Variants in SNTB1 observed in about 807,000 individuals in gnomAD.
SNTB1 encodes the protein beta-1-syntrophin.
Under a neutral mutation model 48.9 loss-of-function variants are expected in SNTB1, and 36 were observed. The ratio of observed to expected loss-of-function variants is 0.74; its 90% confidence interval spans 0.56 to 0.97. SNTB1 has a LOEUF of 0.97. Ranked by LOEUF, SNTB1 falls within the 50% of genes least tolerant of loss-of-function variation. SNTB1 has a pLI of 0.00. For missense variants in SNTB1, 786 were observed against 703.4 expected (o/e 1.12, Z -1.33); for synonymous variants, 299 against 294.6 (o/e 1.01, Z -0.15).
In SNTB1 at chr8:120,681,114, G is replaced by A. The variant is rs114866107; in HGVS notation, c.788+12578C>T. On this transcript the variant is annotated intron_variant, in intron 2 of 6. Coordinates refer to ENST00000517992, the MANE Select transcript of SNTB1 (RefSeq NM_021021.4). ...AGGATGAATGCTGAAGTTTATCTAG[G>A]AAGAAAACAAATTTTCTTAAAAATA... is the stretch of plus-strand genomic sequence containing the variant. Among the ~76,000 whole-genome samples, 1,120 of 152,186 alleles carry A rather than the reference G, an allele frequency of 7.4e-3. 17 individuals are homozygous for A. The highest frequency in any genetic ancestry group is 0.026 in the African/African-American group (1,080 of 41,516).
chr8:120,799,082 C>T (rs939255721), intron 1 of SNTB1, among the ~76,000 whole-genome samples: 1 of 151,888 alleles, frequency 6.6e-6, no homozygotes, highest in Non-Finnish European at 1.5e-5. Flanking sequence ...TCCATTTTAC[C>T]GGCTTTCTCA....
At chr8:120,695,794 C>A (rs761428297) in intron 1 of SNTB1, among the ~76,000 whole-genome samples, 31 of 152,108 alleles carry the variant, frequency 2.0e-4, no homozygotes, top group Non-Finnish European at 3.2e-4. Flanking sequence ...TTAACACCAA[C>A]ACATATTTTC....
chr8:120,772,778 G>T (rs1157441478), intron 1 of SNTB1, among the ~76,000 whole-genome samples: 1 of 152,122 alleles, frequency 6.6e-6, no homozygotes, highest in Non-Finnish European at 1.5e-5. Flanking sequence ...AGTTCCTCTA[G>T]TCTAAAACAG....
chr8:120,804,280 A>G (rs1302774452), intron 1 of SNTB1, among the ~76,000 whole-genome samples: 1 of 147,076 alleles, frequency 6.8e-6, no homozygotes, highest in Non-Finnish European at 1.5e-5. Flanking sequence ...CCATTCATCC[A>G]CCCTTTAGCA....
In SNTB1 at chr8:120,646,468, T is replaced by C. The variant is rs567202024; in HGVS notation, c.789-13817A>G. 3.5e-4 allele frequency among the ~76,000 whole-genome samples: 52 copies of C among 149,942 alleles called. 1 individual carries two copies. The highest frequency in any genetic ancestry group is 1.2e-3 in the African/African-American group (50 of 41,148). On this transcript the variant is annotated intron_variant, in intron 2 of 6. Transcript: ENST00000517992. ...CTCTGTTTAAATGCTGGATTACATTTATTGATTTGCATATATTGAACCAGC... is the reference window on the plus strand; with the variant it reads ...CTCTGTTTAAATGCTGGATTACATTCATTGATTTGCATATATTGAACCAGC...
intron 1 of SNTB1, among the ~76,000 whole-genome samples, chr8:120,790,700 T>A (rs1820014249): frequency 6.6e-6 from 1 of 151,982 alleles, no homozygotes; most frequent in Non-Finnish European, 1.5e-5. Context: ...AAAAGATGTC[T>A]ACCAGGAGAA....
intron 1 of SNTB1, among the ~76,000 whole-genome samples, chr8:120,807,084 AG>A (rs1166113099): frequency 6.6e-6 from 1 of 152,180 alleles, no homozygotes; most frequent in African/African-American, 2.4e-5. Flanking sequence ...CACTGTTTCC[AG>A]TTCAGTTCCA....
At chr8:120,580,504 A>G (rs1218629383) in intron 3 of SNTB1, among the ~76,000 whole-genome samples, 1 of 152,178 alleles carries the variant, frequency 6.6e-6, no homozygotes, top group Non-Finnish European at 1.5e-5. Context: ...TGCTCACCTC[A>G]AGACACTGTT....
At chr8:120,610,271 G>T (rs1216187343) in intron 3 of SNTB1, among the ~76,000 whole-genome samples, 1 of 152,084 alleles carries the variant, frequency 6.6e-6, no homozygotes, top group Non-Finnish European at 1.5e-5. Flanking sequence ...CAGGTAGCTC[G>T]GATTATAGGC....
At chr8:120,695,744 C>A (rs199832629) in intron 1 of SNTB1, among the ~76,000 whole-genome samples, 1 of 151,954 alleles carries the variant, frequency 6.6e-6, no homozygotes, top group African/African-American at 2.4e-5. Flanking sequence ...TCAATCATAT[C>A]AAAAATAGCC....
At chr8:120,657,662 A>C (rs1333783459) in intron 2 of SNTB1, among the ~76,000 whole-genome samples, 1 of 152,210 alleles carries the variant, frequency 6.6e-6, no homozygotes, top group Non-Finnish European at 1.5e-5. Context: ...TTTCAAGTAC[A>C]ATCTCTCATT....
intron 3 of SNTB1, among the ~76,000 whole-genome samples, chr8:120,582,711 A>G (rs1157368093): frequency 6.6e-6 from 1 of 152,108 alleles, no homozygotes; most frequent in Non-Finnish European, 1.5e-5. Context: ...TTGAACAATG[A>G]GAACACATGG....
chr8:120,794,597 A>G (rs1228256119), intron 1 of SNTB1, among the ~76,000 whole-genome samples: 3 of 152,028 alleles, frequency 2.0e-5, no homozygotes, highest in Non-Finnish European at 4.4e-5. Context: ...GTTTTACAAC[A>G]GCATCAAGAG....
intron 4 of SNTB1, among the ~76,000 whole-genome samples, chr8:120,572,388 T>C (rs1000130378): frequency 7.9e-5 from 12 of 152,138 alleles, no homozygotes; most frequent in African/African-American, 2.2e-4. Context: ...AAATATGACT[T>C]TATCATGCCT....
At chr8:120,774,776 C>T (rs1819703124) in intron 1 of SNTB1, among the ~76,000 whole-genome samples, 2 of 152,084 alleles carry the variant, frequency 1.3e-5, no homozygotes, top group Admixed American at 1.3e-4. Flanking sequence ...GCCTCAACCT[C>T]CCAAGTAGCT....
intron 1 of SNTB1, among the ~76,000 whole-genome samples, chr8:120,755,205 A>AAG (rs1338468740): frequency 6.7e-6 from 1 of 149,242 alleles, no homozygotes; most frequent in Admixed American, 6.7e-5. Flanking sequence ...AGAGAGAAGA[A>AAG]AGAGAGAGAG....
intron 1 of SNTB1, among the ~76,000 whole-genome samples, chr8:120,741,206 A>G (rs1287606968): frequency 6.6e-6 from 1 of 152,204 alleles, no homozygotes; most frequent in Non-Finnish European, 1.5e-5. Context: ...CAAATTTACT[A>G]AGTCTTCATG....
intron 2 of SNTB1, among the ~76,000 whole-genome samples, chr8:120,684,418 G>C (rs560695323): frequency 6.6e-6 from 1 of 152,152 alleles, no homozygotes; most frequent in Non-Finnish European, 1.5e-5. Context: ...CAACTCAAAA[G>C]TCTAAAATCT....
At chr8:120,772,394 C>A (rs1370341079) in intron 1 of SNTB1, among the ~76,000 whole-genome samples, 1 of 151,532 alleles carries the variant, frequency 6.6e-6, no homozygotes, top group African/African-American at 2.4e-5. Context: ...TATAGGTGCG[C>A]ACCACCACAC....
Sources: gnomAD v4.1 joint callset for allele counts (sites outside exome capture counted in the v4.1 genomes callset) on GRCh38, gnomAD v4.1.1 for gene constraint, MANE v1.5 for transcripts, NCBI Gene and HGNC (gene_info 2026-07-23, HGNC 2026-07-21) for gene names.